GRM3: variants seen among roughly 807,000 people sequenced by gnomAD.
The protein encoded by GRM3 is metabotropic glutamate receptor 3.
Under a neutral mutation model 70.5 loss-of-function variants are expected in GRM3, and 26 were observed. The ratio of observed to expected loss-of-function variants is 0.37; its 90% CI spans 0.27 to 0.51. The LOEUF (loss-of-function observed/expected upper bound fraction) is 0.51. GRM3 is among the 20% of genes least tolerant of loss of function. GRM3 has a pLI of 0.93. For missense variants in GRM3, 859 were observed against 1,123.8 expected (o/e 0.76, Z 3.37); for synonymous variants, 443 against 434.9 (o/e 1.02, Z -0.23).
intron 1 of GRM3, among the ~76,000 whole-genome samples, chr7:86,717,259 C>A (rs1206270415): frequency 6.6e-6 from 1 of 151,876 alleles, no homozygotes; most frequent in East Asian, 1.9e-4. Context: ...GATGTCATTG[C>A]CAAGAAATGA....
At chr7:86,861,145 T>A (rs768162915) in intron 5 of GRM3, among the ~76,000 whole-genome samples, 1 of 152,212 alleles carries the variant, frequency 6.6e-6, no homozygotes, top group Non-Finnish European at 1.5e-5. Flanking sequence ...TAGTTGATGG[T>A]CATTGTCACA....
intron 3 of GRM3, among the ~76,000 whole-genome samples, chr7:86,831,793 T>TAAA (rs35888996): frequency 0.022 from 2,535 of 113,878 alleles, 109 homozygotes; most frequent in African/African-American, 0.079. Flanking sequence ...ATAGCACCGT[T>TAAA]AAAAAAAAAA....
At chr7:86,750,857 G>A (rs576507645) in intron 1 of GRM3, among the ~76,000 whole-genome samples, 5 of 152,152 alleles carry the variant, frequency 3.3e-5, no homozygotes, top group East Asian at 1.9e-4. Flanking sequence ...GAAAGCTTGA[G>A]TACAGAGAAA....
intron 2 of GRM3, among the ~76,000 whole-genome samples, chr7:86,779,397 G>A (rs979251789): frequency 1.3e-5 from 2 of 151,840 alleles, no homozygotes; most frequent in African/African-American, 2.4e-5. Flanking sequence ...CAGCTTCCCC[G>A]TCGTGTGTGC....
chr7:86,721,219 G>A (rs1349940574), intron 1 of GRM3, among the ~76,000 whole-genome samples: 1 of 151,994 alleles, frequency 6.6e-6, no homozygotes, highest in Admixed American at 6.6e-5. Flanking sequence ...AGTTCAAAAG[G>A]GGTTGTACAG....
chr7:86,668,559 G>A (rs1212043138), intron 1 of GRM3, among the ~76,000 whole-genome samples: 1 of 152,076 alleles, frequency 6.6e-6, no homozygotes, highest in Admixed American at 6.6e-5. Context: ...TAATCCTTGG[G>A]CAATTCTCAC....
intron 1 of GRM3, among the ~76,000 whole-genome samples, chr7:86,731,276 T>C (rs1468128120): frequency 1.3e-5 from 2 of 152,232 alleles, no homozygotes; most frequent in Non-Finnish European, 2.9e-5. Flanking sequence ...TTAGTAGTTC[T>C]TTCTTTTAGT....
At chr7:86,819,445 C>T (rs545103637) in intron 3 of GRM3, among the ~76,000 whole-genome samples, 2 of 152,150 alleles carry the variant, frequency 1.3e-5, no homozygotes, top group East Asian at 3.9e-4. Flanking sequence ...TCAATAAGGA[C>T]AATCATAACT....
In GRM3 at chr7:86,656,803, A is replaced by G. The variant is rs1271989436; in HGVS notation, c.-141+11931A>G. ...TTTTATAACCAAGAAAAATGTTTCTATAGGGGGCTACCTGTATAAAGACTT... is the reference window on the plus strand; with the variant it reads ...TTTTATAACCAAGAAAAATGTTTCTGTAGGGGGCTACCTGTATAAAGACTT... On this transcript the variant is annotated intron_variant, in intron 1 of 5. Coordinates refer to ENST00000361669, the MANE Select transcript of GRM3 (RefSeq NM_000840.3). Among the ~76,000 whole-genome samples, 5 of 152,244 alleles carry G rather than the reference A, an allele frequency of 3.3e-5. No individual in the cohort carries two copies. The East Asian group carries it at 7.7e-4, about 24-fold the overall frequency.
At chr7:86,681,988 A>G (rs1401760616) in intron 1 of GRM3, among the ~76,000 whole-genome samples, 1 of 152,192 alleles carries the variant, frequency 6.6e-6, no homozygotes, top group Non-Finnish European at 1.5e-5. Flanking sequence ...TGCCTAAAGT[A>G]TATACCCCAC....
At chr7:86,847,757 G>C (rs1218789442) in intron 4 of GRM3, among the ~76,000 whole-genome samples, 1 of 152,140 alleles carries the variant, frequency 6.6e-6, no homozygotes, top group Non-Finnish European at 1.5e-5. Flanking sequence ...ATCGTAAGCT[G>C]GTAGTATTCA....
At chr7:86,677,935 A>C (rs987965002) in intron 1 of GRM3, among the ~76,000 whole-genome samples, 6 of 152,124 alleles carry the variant, frequency 3.9e-5, no homozygotes, top group African/African-American at 1.4e-4. Context: ...TTGTAACAGC[A>C]AAAAAATTAG....
At chr7:86,829,399 C>CT (rs1798305463) in intron 3 of GRM3, among the ~76,000 whole-genome samples, 1 of 152,192 alleles carries the variant, frequency 6.6e-6, no homozygotes, top group African/African-American at 2.4e-5. Flanking sequence ...CCTTCAAGAA[C>CT]TTTTCTTTTG....
chr7:86,804,988 C>A (rs534670635), intron 3 of GRM3, among the ~76,000 whole-genome samples: 1 of 152,184 alleles, frequency 6.6e-6, no homozygotes, highest in African/African-American at 2.4e-5. Context: ...GTGGAGCATG[C>A]CTGTAGTCCC....
At chr7:86,857,131 GTT>G (rs57272959) in intron 5 of GRM3, among the ~76,000 whole-genome samples, 9 of 142,570 alleles carry the variant, frequency 6.3e-5, no homozygotes, top group African/African-American at 1.0e-4. Context: ...AAATTCAATG[GTT>G]TTTTTTTTTT....
At chr7:86,840,783 G>T (rs938760643) in intron 4 of GRM3, among the ~76,000 whole-genome samples, 1 of 152,078 alleles carries the variant, frequency 6.6e-6, no homozygotes, top group East Asian at 1.9e-4. Flanking sequence ...GAAGCATAAT[G>T]GTTTACTTGC....
chr7:86,823,126 G>C (rs1036551909), intron 3 of GRM3, among the ~76,000 whole-genome samples: 1 of 152,074 alleles, frequency 6.6e-6, no homozygotes, highest in African/African-American at 2.4e-5. Context: ...CAGCTGCAAG[G>C]CTATCACAAT....
chr7:86,700,723 A>G (rs1221903336), intron 1 of GRM3, among the ~76,000 whole-genome samples: 1 of 151,968 alleles, frequency 6.6e-6, no homozygotes, highest in Non-Finnish European at 1.5e-5. Context: ...GATGTTTTAC[A>G]GAGAATACAA....
intron 1 of GRM3, among the ~76,000 whole-genome samples, chr7:86,685,363 A>G (rs1428480249): frequency 2.0e-5 from 3 of 152,238 alleles, no homozygotes; most frequent in African/African-American, 7.2e-5. Context: ...CAGAAACAAA[A>G]TAAGTCTATG....
Sources: allele counts gnomAD v4.1 joint callset (sites outside exome capture counted in the v4.1 genomes callset), GRCh38; gene constraint gnomAD v4.1.1; transcripts MANE v1.5; gene names NCBI Gene and HGNC (gene_info 2026-07-23, HGNC 2026-07-21).